Variants in FBXO41 observed in about 807,000 individuals in gnomAD.
The protein encoded by FBXO41 is F-box protein 41.
A neutral mutation model predicts 81.6 loss-of-function variants in FBXO41; 33 were observed. The ratio of observed to expected loss-of-function variants is 0.40; its 90% CI spans 0.31 to 0.54. The LOEUF is 0.54. Ranked by LOEUF, FBXO41 falls within the 20% of genes least tolerant of loss-of-function variation. The probability of loss-of-function intolerance (pLI) is 0.39; values close to 1 mark genes in which losing one functional copy is unlikely to be tolerated. For synonymous variants in FBXO41, 576 were observed against 552.7 expected (o/e 1.04, Z -0.59); for missense variants, 1,107 against 1,236.0 (o/e 0.90, Z 1.56).
At chr2:73,268,697 C>T (rs200838760) in intron 2 of FBXO41, 29 bp downstream of exon 2, 1 of 1,494,190 alleles carries the variant, frequency 6.7e-7, no homozygotes, top group South Asian at 1.4e-5. Flanking sequence ...CAGGCACAAC[C>T]ACTCACAGGG....
At chr2:73,278,869 G>A (rs563679175) in intron 1 of FBXO41, among the ~76,000 whole-genome samples, 22 of 152,336 alleles carry the variant, frequency 1.4e-4, no homozygotes, top group Non-Finnish European at 1.0e-4. Context: ...CTTGAGGATA[G>A]AGACATTGTA....
At chr2:73,262,799 G>A (rs1688064449) in intron 9 of FBXO41, among the ~76,000 whole-genome samples, 1 of 152,182 alleles carries the variant, frequency 6.6e-6, no homozygotes, top group African/African-American at 2.4e-5. Context: ...AGGCTGGAGT[G>A]CAATGGCACG....
chr2:73,269,520 C>T lies in FBXO41; in HGVS notation c.111G>A (p.Thr37=). 7.3e-7 allele frequency: 1 copy of T among 1,369,726 alleles called. No homozygotes were observed. Among genetic ancestry groups the T allele is most frequent in the Non-Finnish European group, 9.5e-7 (1 of 1,052,426 alleles). 84.8% of individuals were successfully genotyped at this position (1,369,726 alleles called of 1,614,324 possible). A position where few individuals can be genotyped will look rare whatever the true frequency, so the allele number is the denominator to read the frequency against. The change falls in exon 2 of 13, where the codon ACG becomes ACA. Residue 37 remains threonine, a synonymous_variant. Transcript: ENST00000520530. The surrounding 1 kb of genome is among the most constrained non-coding windows in gnomAD (Gnocchi z 7.0). ...AHLEYSHTYE[T]LYILSKTNSI... is the part of the protein sequence containing the mutation. ...TGTTGGTCTTGGAGAGGATGTAGAG[C>T]GTCTCGTAGGTGTGGCTGTACTCCA...
chr2:73,264,724 C>T (rs571029264), intron 5 of FBXO41, among the ~76,000 whole-genome samples: 3 of 152,244 alleles, frequency 2.0e-5, no homozygotes, highest in Non-Finnish European at 2.9e-5. Flanking sequence ...AAAGGCATCC[C>T]TTGTGTAAAC....
At position 73,266,730 on chromosome 2, in the gene FBXO41, A is replaced by G; in HGVS notation, c.906-48T>C. ...CCCCAGAGCCTCAGCCTGCCTGCCC[A>G]CCCACCCTCTGGAGGAGAGCCTGGC... On this transcript the variant is annotated intron_variant, in intron 2 of 12. Transcript: ENST00000520530. The surrounding 1 kb of genome is among the most constrained non-coding windows in gnomAD (Gnocchi z 5.3). 4.0e-6 allele frequency: 6 copies of G among 1,490,350 alleles called. No individual in the cohort carries two copies. Among genetic ancestry groups the G allele is most frequent in the Non-Finnish European group, 4.5e-6 (5 of 1,121,532 alleles). 92.3% of individuals were successfully genotyped at this position (1,490,350 alleles called of 1,614,324 possible). A position where few individuals can be genotyped will look rare whatever the true frequency, so the allele number is the denominator to read the frequency against.
In FBXO41 at chr2:73,257,861, G is replaced by C. The variant is rs1031609708; in HGVS notation, c.*1121C>G. ...CACGGGGCCCGTGGAGACCAAGGAA[G>C]GGGGAGTGAGTCTATTGAGGATGCT... On this transcript the variant is annotated 3_prime_UTR_variant, in exon 13 of 13. Coordinates refer to ENST00000520530, the MANE Select transcript of FBXO41 (RefSeq NM_001371389.2). The surrounding 1 kb of genome is among the most constrained non-coding windows in gnomAD (Gnocchi z 4.6). 2 of 152,264 alleles carry C rather than the reference G, an allele frequency of 1.3e-5. No individual in the cohort carries two copies. The highest frequency in any genetic ancestry group is 4.1e-4 in the South Asian group (2 of 4,836). The allele number at this position is 152,264 out of a possible 1,614,324, so 9.4% of individuals were successfully genotyped here. A position where few individuals can be genotyped will look rare whatever the true frequency, so the allele number is the denominator to read the frequency against.
At chr2:73,280,614 C>T (rs941770095) in intron 1 of FBXO41, among the ~76,000 whole-genome samples, 3 of 152,230 alleles carry the variant, frequency 2.0e-5, no homozygotes, top group African/African-American at 7.2e-5. Flanking sequence ...CCTGGGACTC[C>T]TGGGCCTGAA....
At position 73,269,360 on chromosome 2, in the gene FBXO41, C is replaced by T; in HGVS notation, c.271G>A (p.Gly91Ser). Residue 91 changes from glycine to serine, a missense_variant, in exon 2 of 13, where the codon GGC becomes AGC. Physicochemically the swap from Gly to Ser is moderately conservative, Grantham distance 56. Coordinates refer to ENST00000520530, the MANE Select transcript of FBXO41 (RefSeq NM_001371389.2). This position sits in a 1 kb window ranked among gnomAD's most constrained non-coding sequence, Gnocchi z 7.0. ...GACGGCCCGGCCGCCTGCTCCTTGCCCTGGAAGGAAGTGCTCTCGAAGACC... is the reference window on the plus strand; with the variant it reads ...GACGGCCCGGCCGCCTGCTCCTTGCTCTGGAAGGAAGTGCTCTCGAAGACC... ...REVFESTSFQ[G>S]KEQAAGPSPA... 1.3e-6 allele frequency: 2 copies of T among 1,510,976 alleles called. No homozygotes were observed. The highest frequency in any genetic ancestry group is 2.9e-5 in the African/African-American group (2 of 68,838). The allele number at this position is 1,510,976 out of a possible 1,614,324, so 93.6% of individuals were successfully genotyped here.
In FBXO41 at chr2:73,284,212, G is replaced by A. The variant is rs969429686; in HGVS notation, c.-191C>T. The A allele has an allele frequency of 3.3e-5, 5 of 152,278 alleles. No individual in the cohort carries two copies. Among genetic ancestry groups the A allele is most frequent in the Non-Finnish European group, 7.3e-5 (5 of 68,148 alleles). 9.4% of individuals were successfully genotyped at this position (152,278 alleles called of 1,614,324 possible). A position where few individuals can be genotyped will look rare whatever the true frequency, so the allele number is the denominator to read the frequency against. ...CCAGCGGCCCAGGGCTGGGGACGCA[G>A]AAGAGCCCCCGCGTGCCCGGTCCAG... On this transcript the variant is annotated 5_prime_UTR_variant, in exon 1 of 13. Coordinates refer to ENST00000520530, the MANE Select transcript of FBXO41 (RefSeq NM_001371389.2). This position sits in a 1 kb window ranked among gnomAD's most constrained non-coding sequence, Gnocchi z 7.4.
At chr2:73,270,383 AAAT>A (rs1441217693) in intron 1 of FBXO41, among the ~76,000 whole-genome samples, 2 of 152,200 alleles carry the variant, frequency 1.3e-5, no homozygotes, top group African/African-American at 4.8e-5. Flanking sequence ...TGTATACTTA[AAAT>A]GAGTGTAAAA....
intron 1 of FBXO41, among the ~76,000 whole-genome samples, chr2:73,279,111 G>A (rs1688778365): frequency 6.6e-6 from 1 of 152,200 alleles, no homozygotes; most frequent in Non-Finnish European, 1.5e-5. Context: ...GGATATGGGA[G>A]CAATTAAGGA....
rs1574375329 is a variant in FBXO41 at position 73,260,227 on chromosome 2, G to A, written c.2449+162C>T. 6.6e-6 allele frequency among the ~76,000 whole-genome samples: 1 copy of A among 152,140 alleles called. No individual in the cohort carries two copies. Among genetic ancestry groups the A allele is most frequent in the South Asian group, 2.1e-4 (1 of 4,828 alleles). On this transcript the variant is annotated intron_variant, in intron 11 of 12. Coordinates refer to ENST00000520530, the MANE Select transcript of FBXO41 (RefSeq NM_001371389.2). This position sits in a 1 kb window ranked among gnomAD's most constrained non-coding sequence, Gnocchi z 5.0. ...GTAGCAGAGCCAGACCTGGGACCTA[G>A]GTCAGTCAGGCTCTAGAACCAGTGC...
chr2:73,264,009 C>G lies in FBXO41; in HGVS notation c.1851G>C (p.Leu617=). 1 of 1,603,966 alleles carries G rather than the reference C, an allele frequency of 6.2e-7. No homozygotes were observed. The change falls in exon 7 of 13, where the codon CTG becomes CTC. Residue 617 remains leucine (L), a synonymous_variant. Transcript: ENST00000520530. The part of the protein sequence containing the change: ...LAQWCTQAHS[L]TLQNLKPRQR... Reference sequence around the variant, plus strand: ...GCCGGGGCTTCAAGTTCTGCAGCGTCAGAGAGTGGGCCTGGGTGCACCACT... The same window carrying G: ...GCCGGGGCTTCAAGTTCTGCAGCGTGAGAGAGTGGGCCTGGGTGCACCACT...
rs1042108521 is a variant in FBXO41 at position 73,259,476 on chromosome 2, T to G, written c.2450-180A>C. ...GGATGCGGGGAGAGGTAGATGGGGC[T>G]GAGGCACAGGAGAGGCTGCATTGGC... On this transcript the variant is annotated intron_variant, in intron 11 of 12. Coordinates refer to ENST00000520530, the MANE Select transcript of FBXO41 (RefSeq NM_001371389.2). This position sits in a 1 kb window ranked among gnomAD's most constrained non-coding sequence, Gnocchi z 4.2. Among the ~76,000 whole-genome samples, 7 of 152,160 alleles carry G rather than the reference T, an allele frequency of 4.6e-5. No individual in the cohort carries two copies. Among genetic ancestry groups the G allele is most frequent in the African/African-American group, 1.4e-4 (6 of 41,434 alleles).
chr2:73,281,697 A>G (rs570460759), intron 1 of FBXO41, among the ~76,000 whole-genome samples: 7 of 152,364 alleles, frequency 4.6e-5, no homozygotes, highest in African/African-American at 1.7e-4. Flanking sequence ...TCTCAACATA[A>G]TGCAGCTGTG....
At position 73,260,381 on chromosome 2, in the gene FBXO41, G is replaced by A; in HGVS notation, c.2449+8C>T. Reference sequence around the variant, plus strand: ...TCGTACCCTGCCCCTCATTCCCCCAGTGCTCACTGTTGAAGTGCAGTAGGG... The same window carrying A: ...TCGTACCCTGCCCCTCATTCCCCCAATGCTCACTGTTGAAGTGCAGTAGGG... On this transcript the variant is annotated splice_region_variant and intron_variant, in intron 11 of 12. Coordinates refer to ENST00000520530, the MANE Select transcript of FBXO41 (RefSeq NM_001371389.2). This position sits in a 1 kb window ranked among gnomAD's most constrained non-coding sequence, Gnocchi z 5.0. 6.2e-7 allele frequency: 1 copy of A among 1,611,888 alleles called. No individual in the cohort carries two copies. The highest frequency in any genetic ancestry group is 1.7e-4 in the Middle Eastern group (1 of 6,050).
chr2:73,264,861 G>A (rs1053489266), intron 5 of FBXO41, among the ~76,000 whole-genome samples: 1 of 152,102 alleles, frequency 6.6e-6, no homozygotes, highest in Non-Finnish European at 1.5e-5. Flanking sequence ...GGAAACAGAA[G>A]GCAGGCATGG....
rs200442553 is a variant in FBXO41 at position 73,265,419 on chromosome 2, C to T, written c.1427G>A (p.Arg476Gln). 32 of 1,609,220 alleles carry T rather than the reference C, an allele frequency of 2.0e-5. No homozygotes were observed. Among genetic ancestry groups the T allele is most frequent in the Admixed American group, 1.2e-4 (7 of 59,950 alleles). Residue 476 changes from arginine (R) to glutamine (Q), a missense_variant, in exon 5 of 13, where the codon CGA becomes CAA. Around this residue, in one of 2 missense-constraint regions of FBXO41, gnomAD observed 771 missense variants for 789.2 expected, o/e 0.98. Transcript: ENST00000520530. ...ACCCTCTTCCCCCTCAGTGCTGTGT[C>T]GGCGGGGTCTGCGCTGCCAGTTCTG... ...AIQNWQRRPR[R>Q]HSTEGEEGDV...
At position 73,266,023 on chromosome 2, in the gene FBXO41, G is replaced by C; in HGVS notation, c.1132-57C>G. On this transcript the variant is annotated intron_variant, in intron 3 of 12. Transcript: ENST00000520530. This position sits in a 1 kb window ranked among gnomAD's most constrained non-coding sequence, Gnocchi z 5.3. Reference sequence around the variant, plus strand: ...AGGGGCGGAGGAGGCAAGAGGATGAGCAGGAATAGCAGGGGAAACAGGGCA... The same window carrying C: ...AGGGGCGGAGGAGGCAAGAGGATGACCAGGAATAGCAGGGGAAACAGGGCA... 6.9e-7 allele frequency: 1 copy of C among 1,457,114 alleles called. No individual in the cohort carries two copies. The highest frequency in any genetic ancestry group is 9.4e-7 in the Non-Finnish European group (1 of 1,063,132). 90.3% of individuals were successfully genotyped at this position (1,457,114 alleles called of 1,614,324 possible).
Sources: allele counts gnomAD v4.1 joint callset (sites outside exome capture counted in the v4.1 genomes callset), GRCh38; gene constraint gnomAD v4.1.1; regional missense constraint gnomAD v4.1.1; non-coding constraint Gnocchi (gnomAD v3.1); transcripts MANE v1.5; gene names NCBI Gene and HGNC (gene_info 2026-07-23, HGNC 2026-07-21).